The following EBNA1BP2 variants were observed in gnomAD, a reference collection of about 807,000 sequenced individuals.
EBNA1BP2 encodes EBNA1 binding protein 2.
In EBNA1BP2, 36 loss-of-function variants were observed where a neutral mutation model predicts 43.5. That is an observed-to-expected ratio of 0.83 (90% confidence interval 0.63 to 1.09). The LOEUF (loss-of-function observed/expected upper bound fraction) is 1.09. Among genes scored for constraint, EBNA1BP2 ranks in the 50% least tolerant of loss-of-function variants. EBNA1BP2 has a pLI of 0.00. For synonymous variants in EBNA1BP2, 127 were observed against 141.3 expected (o/e 0.90, Z 0.72); for missense variants, 332 against 379.1 (o/e 0.88, Z 1.03).
Position 43,172,111 on chromosome 1 carries a change from G to A in EBNA1BP2, c.8C>T (p.Thr3Ile), listed in dbSNP as rs1427451658. 6.2e-7 allele frequency: 1 copy of A among 1,614,046 alleles called. No homozygotes were observed. Among genetic ancestry groups the A allele is most frequent in the Non-Finnish European group, 8.5e-7 (1 of 1,180,050 alleles). The change falls in exon 1 of 9, where the codon ACT becomes ATT. Residue 3 changes from threonine (T) to isoleucine (I), a missense_variant. Thr to Ile is a moderately conservative substitution (Grantham distance 89, BLOSUM62 -1). This residue lies in a region of EBNA1BP2 where 182 missense variants were observed against 173.7 expected (regional missense o/e 1.05). Coordinates refer to ENST00000236051, the MANE Select transcript of EBNA1BP2 (RefSeq NM_006824.3). MD[T>I]PPLSDSESES... is the part of the protein sequence containing the mutation. Reference sequence around the variant, plus strand: ...CGACTCCGAATCCGAGAGCGGGGGAGTGTCCATCTCGCCGCACGCACGTCC... The same window carrying A: ...CGACTCCGAATCCGAGAGCGGGGGAATGTCCATCTCGCCGCACGCACGTCC...
chr1:43,172,291 A>T (rs1334652289), upstream of EBNA1BP2: 2 of 1,552,086 alleles, frequency 1.3e-6, no homozygotes, highest in South Asian at 2.4e-5. Context: ...GCTACTGCTC[A>T]ACTTTTGATT....
chr1:43,172,204 G>T lies in EBNA1BP2; in HGVS notation c.-86C>A. 6.3e-7 allele frequency: 1 copy of T among 1,595,610 alleles called. No individual in the cohort carries two copies. Among genetic ancestry groups the T allele is most frequent in the Non-Finnish European group, 8.5e-7 (1 of 1,170,450 alleles). ...CTAGCAGAGGGCGGCCCTGGCCGCT[G>T]CTGCCTGCCTTCAGCCCCCTACTCC... On this transcript the variant is annotated 5_prime_UTR_variant, in exon 1 of 9. Coordinates refer to ENST00000236051, the MANE Select transcript of EBNA1BP2 (RefSeq NM_006824.3).
rs528412279 is a variant in EBNA1BP2, at chr1:43,170,863, C to G, written c.340G>C (p.Ala114Pro). 3.2e-5 allele frequency: 50 copies of G among 1,583,472 alleles called. No individual in the cohort carries two copies. Among genetic ancestry groups the G allele is most frequent in the South Asian group, 1.4e-4 (12 of 85,270 alleles). Residue 114 changes from alanine (A) to proline (P), a missense_variant, in exon 4 of 9, where the codon GCC becomes CCC. Transcript: ENST00000236051. The part of the protein sequence containing the change: ...REMSFYRQAQ[A>P]AVLAVLPRLH... ...CGGGGTAAGACTGCAAGCACTGCGG[C>G]CTGGGCTTGGCGATAGCTGAGAATC...
Position 43,172,278 on chromosome 1 carries a change from A to G in EBNA1BP2, c.-160T>C, listed in dbSNP as rs557885720. On this transcript the variant is annotated 5_prime_UTR_variant, in exon 1 of 9. Transcript: ENST00000236051. ...CGAATCGCTCCAGCGCCAGCAACTC[A>G]CAGCTACTGCTCAACTTTTGATTGG... 103 of 1,552,582 alleles carry G rather than the reference A, an allele frequency of 6.6e-5. No homozygotes were observed. The South Asian group carries it at 1.2e-3, about 18-fold the overall frequency.
At chr1:43,165,309 C>G (rs544794818) in intron 7 of EBNA1BP2, among the ~76,000 whole-genome samples, 1 of 152,330 alleles carries the variant, frequency 6.6e-6, no homozygotes, top group African/African-American at 2.4e-5. Context: ...CAATAGGAAT[C>G]TTGAATTCAG....
intron 7 of EBNA1BP2, among the ~76,000 whole-genome samples, chr1:43,165,424 A>G (rs1644911455): frequency 6.6e-6 from 1 of 152,170 alleles, no homozygotes; most frequent in South Asian, 2.1e-4. Context: ...CAGGCTAAAC[A>G]TGTGGGAGTC....
intron 8 of EBNA1BP2, 33 bp from the exon 9 acceptor site, chr1:43,164,526 T>C (rs371251837): frequency 5.0e-6 from 8 of 1,614,142 alleles, no homozygotes; most frequent in Admixed American, 1.7e-5. Context: ...TCTGGTCACA[T>C]AGCAGCTTGC....
Position 43,170,767 on chromosome 1 carries a change from G to A in EBNA1BP2, c.436C>T (p.Gln146Ter). The change falls in exon 4 of 9, where the codon CAG (glutamine) becomes TAG (stop). Residue 146 changes from glutamine (Q) to a stop codon, truncating the protein, a stop_gained. Coordinates refer to ENST00000236051, the MANE Select transcript of EBNA1BP2 (RefSeq NM_006824.3). LOFTEE classifies it high-confidence loss of function. ...YFAEMAKSDLQMQKIRQKLQT... is the reference protein window; with the variant it reads ...YFAEMAKSDL ...CTTCTATTTCTTACCTTCTGCATCT[G>A]CAGATCAGATTTGGCCATTTCCGCA... 3.1e-6 allele frequency: 5 copies of A among 1,604,882 alleles called. No homozygotes were observed. The highest frequency in any genetic ancestry group is 4.3e-6 in the Non-Finnish European group (5 of 1,176,410).
chr1:43,167,428 A>G (rs556757223), intron 5 of EBNA1BP2, among the ~76,000 whole-genome samples, 193 bp from the exon 6 acceptor site: 2 of 152,308 alleles, frequency 1.3e-5, no homozygotes, highest in East Asian at 1.9e-4. Flanking sequence ...TATCTGTCTC[A>G]TAACAATCCA....
upstream of EBNA1BP2, chr1:43,172,363 C>T (rs868092104): frequency 7.1e-6 from 11 of 1,551,482 alleles, no homozygotes; most frequent in Non-Finnish European, 9.6e-6. Context: ...GGAACCGCTA[C>T]GGCGTTTGAA....
Position 43,171,869 on chromosome 1 carries a change from C to A in EBNA1BP2, c.150+17G>T, listed in dbSNP as rs1644979431. 6.2e-7 allele frequency: 1 copy of A among 1,613,228 alleles called. No homozygotes were observed. The highest frequency in any genetic ancestry group is 1.7e-5 in the Admixed American group (1 of 59,950). On this transcript the variant is annotated intron_variant, in intron 2 of 8. Transcript: ENST00000236051. ...CATCCCATGTCCGAGTACCCCCGAC[C>A]CTGTGCCCACGCTCACCACGTCGTT...
rs749122367 is a variant in EBNA1BP2, at chr1:43,171,569, G to A, written c.233C>T (p.Pro78Leu). The part of the protein sequence containing the change: ...ERLDVTLGPV[P>L]EIGGSEAPAP... The stretch of plus-strand genomic sequence containing the variant: ...TGGCGCCTCAGATCCACCGATCTCC[G>A]GTACCGGACCCAGTGTCACATCGAG... The change falls in exon 3 of 9, where the codon CCG (proline) becomes CTG (leucine). Residue 78 changes from proline (P) to leucine (L), a missense_variant. By Grantham distance (98) the Pro-to-Leu change is moderately conservative. This residue lies in a region of EBNA1BP2 where 182 missense variants were observed against 173.7 expected (regional missense o/e 1.05). Transcript: ENST00000236051. The A allele has an allele frequency of 2.5e-6, 4 of 1,614,118 alleles. No homozygotes were observed. The East Asian group carries it at 6.7e-5, about 27-fold the overall frequency.
In EBNA1BP2 at chr1:43,164,319, A is replaced by G; in HGVS notation, c.*124T>C. The G allele has an allele frequency of 3.5e-6, 4 of 1,154,128 alleles. No homozygotes were observed. Among genetic ancestry groups the G allele is most frequent in the Non-Finnish European group, 3.8e-6 (3 of 797,198 alleles). The allele number at this position is 1,154,128 out of a possible 1,614,324, so 71.5% of individuals were successfully genotyped here. The stretch of plus-strand genomic sequence containing the variant: ...AACCAAAGGTATGTGTTCCTTTAAT[A>G]ATTTTTCTTTAGTTTATTGAAAGAA... On this transcript the variant is annotated 3_prime_UTR_variant, in exon 9 of 9. Coordinates refer to ENST00000236051, the MANE Select transcript of EBNA1BP2 (RefSeq NM_006824.3).
rs756474692 is a variant in EBNA1BP2, at chr1:43,170,888, C to A, written c.324-9G>T. ...CCTGGGCTTGGCGATAGCTGAGAAT[C>A]GTAGGACAAAATGTGTAATGAGGTG... On this transcript the variant is annotated splice_polypyrimidine_tract_variant and intron_variant, in intron 3 of 8. Transcript: ENST00000236051. 3 of 1,561,204 alleles carry A rather than the reference C, an allele frequency of 1.9e-6. No homozygotes were observed. The highest frequency in any genetic ancestry group is 2.5e-5 in the South Asian group (2 of 81,596).
intron 5 of EBNA1BP2, 124 bp downstream of exon 5, chr1:43,168,813 CTG>C (rs1644934747): frequency 7.1e-6 from 7 of 982,570 alleles, no homozygotes; most frequent in Non-Finnish European, 1.1e-5. Context: ...AGCACATACA[CTG>C]AGAGACGGTA....
Position 43,170,848 on chromosome 1 carries a change from C to CT in EBNA1BP2, c.354dup (p.Val119SerfsTer17). ...TTGAGCTGATGGAGGCGGGGTAAGA[C>CT]TGCAAGCACTGCGGCCTGGGCTTGG... On this transcript the variant is annotated frameshift_variant, in exon 4 of 9. Coordinates refer to ENST00000236051, the MANE Select transcript of EBNA1BP2 (RefSeq NM_006824.3). LOFTEE classifies it high-confidence loss of function. 2 of 1,596,590 alleles carry CT rather than the reference C, an allele frequency of 1.3e-6. No homozygotes were observed. Among genetic ancestry groups the CT allele is most frequent in the Non-Finnish European group, 8.5e-7 (1 of 1,173,320 alleles).
chr1:43,167,031 T>C, intron 6 of EBNA1BP2, 112 bp from the exon 7 acceptor site: 1 of 1,476,784 alleles, frequency 6.8e-7, no homozygotes, highest in Non-Finnish European at 9.4e-7. Context: ...CACATCCTGC[T>C]CTCCAACACC....
At chr1:43,169,969 G>T (rs1644944460) in intron 4 of EBNA1BP2, among the ~76,000 whole-genome samples, 1 of 152,128 alleles carries the variant, frequency 6.6e-6, no homozygotes, top group Non-Finnish European at 1.5e-5. Flanking sequence ...ATCTGAGATG[G>T]AACGGTTTCA....
chr1:43,169,152 T>TC, intron 4 of EBNA1BP2, 124 bp from the exon 5 acceptor site: 1 of 1,030,748 alleles, frequency 9.7e-7, no homozygotes, highest in East Asian at 2.4e-5. Context: ...AATCATCAGT[T>TC]CCAACCCCTG....
Sources: gnomAD v4.1 joint callset for allele counts (sites outside exome capture counted in the v4.1 genomes callset) on GRCh38, gnomAD v4.1.1 for gene constraint, gnomAD v4.1.1 regional missense constraint, MANE v1.5 for transcripts, NCBI Gene and HGNC (gene_info 2026-07-23, HGNC 2026-07-21) for gene names.